Variants in SP4 observed in about 807,000 individuals in gnomAD.
SP4 encodes the protein Sp4 transcription factor.
In SP4, 19 loss-of-function variants were observed where a neutral mutation model predicts 72.8. The ratio of observed to expected loss-of-function variants is 0.26; its 90% CI spans 0.18 to 0.38. The LOEUF (loss-of-function observed/expected upper bound fraction) is 0.38, where lower values mean the gene tolerates loss of function less well. Ranked by LOEUF, SP4 falls within the 10% of genes least tolerant of loss-of-function variation. The pLI, the probability that SP4 is intolerant of heterozygous loss-of-function variation, is 1.00. For synonymous variants in SP4, 395 were observed against 333.1 expected (o/e 1.19, Z -2.02); for missense variants, 1,008 against 926.3 (o/e 1.09, Z -1.14).
chr7:21,468,047 G>A (rs1019688239), intron 3 of SP4, among the ~76,000 whole-genome samples: 8 of 152,036 alleles, frequency 5.3e-5, no homozygotes, highest in African/African-American at 1.9e-4. Context: ...ACAGAGTAAT[G>A]TTACTTACTA....
intron 4 of SP4, among the ~76,000 whole-genome samples, chr7:21,478,912 T>TA (rs1407494324): frequency 1.3e-5 from 2 of 151,598 alleles, no homozygotes; most frequent in African/African-American, 4.8e-5. Flanking sequence ...TCACTGAAAA[T>TA]ACAAAATTAG....
chr7:21,495,384 T>G (rs1781675821), intron 5 of SP4, among the ~76,000 whole-genome samples: 1 of 152,036 alleles, frequency 6.6e-6, no homozygotes, highest in African/African-American at 2.4e-5. Context: ...TAAGAAGTTT[T>G]AAACTCAGTG....
In SP4 at chr7:21,430,230, T is replaced by A. The variant is rs769368978; in HGVS notation, c.1065T>A (p.Ser355=). The A allele has an allele frequency of 3.7e-6, 6 of 1,614,220 alleles. No individual in the cohort carries two copies. The highest frequency in any genetic ancestry group is 5.1e-6 in the Non-Finnish European group (6 of 1,180,038). Residue 355 remains serine (S), a synonymous_variant, in exon 3 of 6, where the codon TCT becomes TCA. Transcript: ENST00000222584. The part of the protein sequence containing the change: ...GQYASTSASS[S]ERTIEESQTP... ...ATGCAAGCACATCAGCCAGTAGTTC[T>A]GAACGCACCATTGAAGAATCTCAAA...
At chr7:21,484,304 A>C (rs1485955471) in intron 5 of SP4, among the ~76,000 whole-genome samples, 1 of 151,934 alleles carries the variant, frequency 6.6e-6, no homozygotes, top group African/African-American at 2.4e-5. Flanking sequence ...ATACATAAAG[A>C]CTGAAGGTAA....
chr7:21,451,489 T>A (rs1366632892), intron 3 of SP4, among the ~76,000 whole-genome samples: 1 of 152,134 alleles, frequency 6.6e-6, no homozygotes, highest in Non-Finnish European at 1.5e-5. Flanking sequence ...AAATGGATGG[T>A]CAGTCTTCTG....
rs772378445 is a variant in SP4, at chr7:21,430,719, C to G, written c.1554C>G (p.Ala518=). Residue 518 remains alanine (A), a synonymous_variant, in exon 3 of 6, where the codon GCC becomes GCG. Transcript: ENST00000222584. ...AQIAPVAVAG[A]PITLNTAQLA... ...TTGCTCCTGTGGCTGTTGCTGGTGC[C>G]CCAATAACTTTGAATACTGCCCAGC... is the stretch of plus-strand genomic sequence containing the variant. 6.2e-7 allele frequency: 1 copy of G among 1,614,150 alleles called. No homozygotes were observed. The highest frequency in any genetic ancestry group is 1.7e-5 in the Admixed American group (1 of 60,028).
chr7:21,479,839 C>CT (rs1221248329), intron 4 of SP4, among the ~76,000 whole-genome samples: 1 of 152,056 alleles, frequency 6.6e-6, no homozygotes, highest in Non-Finnish European at 1.5e-5. Context: ...ACATTTTGTA[C>CT]TTTTGTTAAA....
chr7:21,450,058 T>C (rs940085754), intron 3 of SP4, among the ~76,000 whole-genome samples: 13 of 152,102 alleles, frequency 8.5e-5, no homozygotes, highest in South Asian at 2.1e-4. Context: ...CAGAGACTTA[T>C]TTTATGTCCC....
chr7:21,430,612 T>C lies in SP4; in HGVS notation c.1447T>C (p.Leu483=). Residue 483 remains leucine (L), a synonymous_variant, in exon 3 of 6, where the codon TTG becomes CTG. Transcript: ENST00000222584. ...TCAGAATATTCAGAGTCTTTCAAAT[T>C]TGCAAGTTCAGAATGCTGGGTTATC... ...QVQNIQSLSN[L]QVQNAGLSQQ... is the part of the protein sequence containing the mutation. 2 of 1,614,206 alleles carry C rather than the reference T, an allele frequency of 1.2e-6. No individual in the cohort carries two copies. Among genetic ancestry groups the C allele is most frequent in the Middle Eastern group, 1.6e-4 (1 of 6,062 alleles).
intron 4 of SP4, among the ~76,000 whole-genome samples, chr7:21,477,522 TTTC>T (rs2128409652): frequency 6.6e-6 from 1 of 152,306 alleles, no homozygotes; most frequent in South Asian, 2.1e-4. Context: ...AAAAATATTT[TTTC>T]TTTCTTCCCC....
intron 3 of SP4, among the ~76,000 whole-genome samples, chr7:21,466,804 A>G (rs1162026665): frequency 6.8e-6 from 1 of 147,654 alleles, no homozygotes; most frequent in African/African-American, 2.5e-5. Flanking sequence ...TTTTTTTTTT[A>G]CCACCAGTGT....
chr7:21,441,223 G>A (rs1783235182), intron 3 of SP4, among the ~76,000 whole-genome samples: 1 of 152,168 alleles, frequency 6.6e-6, no homozygotes, highest in African/African-American at 2.4e-5. Flanking sequence ...TTGAGACTTT[G>A]GGGGTGACAG....
chr7:21,512,453 T>C lies in SP4; in HGVS notation c.*1184T>C, dbSNP rs546009936. The C allele has an allele frequency of 6.6e-6, 1 of 152,202 alleles. No homozygotes were observed. Among genetic ancestry groups the C allele is most frequent in the East Asian group, 1.9e-4 (1 of 5,176 alleles). 9.4% of individuals were successfully genotyped at this position (152,202 alleles called of 1,614,324 possible). ...TTAGCCTAATATATAATAGATATATTATGAAGCAAAACTTTTATTTTTGAA... is the reference window on the plus strand; with the variant it reads ...TTAGCCTAATATATAATAGATATATCATGAAGCAAAACTTTTATTTTTGAA... On this transcript the variant is annotated 3_prime_UTR_variant, in exon 6 of 6. Coordinates refer to ENST00000222584, the MANE Select transcript of SP4 (RefSeq NM_003112.5).
At chr7:21,467,388 C>T (rs779883894) in intron 3 of SP4, among the ~76,000 whole-genome samples, 40 of 152,042 alleles carry the variant, frequency 2.6e-4, no homozygotes, top group Admixed American at 4.6e-4. Flanking sequence ...TATTATACAA[C>T]AACTTCAAGT....
intron 3 of SP4, among the ~76,000 whole-genome samples, chr7:21,441,069 C>G (rs924921347): frequency 3.9e-5 from 6 of 152,088 alleles, no homozygotes; most frequent in African/African-American, 1.2e-4. Context: ...AGAGTTTATA[C>G]GTAAGTACTG....
At chr7:21,494,288 A>G (rs1207122939) in intron 5 of SP4, among the ~76,000 whole-genome samples, 1 of 152,240 alleles carries the variant, frequency 6.6e-6, no homozygotes, top group Non-Finnish European at 1.5e-5. Context: ...TACCCAGTGC[A>G]GTAAAGCAGG....
chr7:21,476,273 C>CAAAAA (rs753166936), intron 3 of SP4, among the ~76,000 whole-genome samples: 15 of 49,592 alleles, frequency 3.0e-4, no homozygotes, highest in East Asian at 1.9e-3. Context: ...GACTCCATCT[C>CAAAAA]AAAAAAAAAA....
intron 3 of SP4, among the ~76,000 whole-genome samples, chr7:21,445,436 G>A (rs532918822): frequency 6.6e-6 from 1 of 152,250 alleles, no homozygotes; most frequent in East Asian, 1.9e-4. Flanking sequence ...TTTTTATGTA[G>A]CATTAGCTTA....
intron 5 of SP4, among the ~76,000 whole-genome samples, chr7:21,497,079 C>CGGGA (rs1173518202): frequency 2.6e-5 from 4 of 152,196 alleles, no homozygotes; most frequent in Non-Finnish European, 5.9e-5. Flanking sequence ...ATTATTATCC[C>CGGGA]CTGTCTTGGG....
Sources: allele counts gnomAD v4.1 joint callset (sites outside exome capture counted in the v4.1 genomes callset), GRCh38; gene constraint gnomAD v4.1.1; transcripts MANE v1.5; gene names NCBI Gene and HGNC (gene_info 2026-07-23, HGNC 2026-07-21).